Variants in AGL observed in about 807,000 individuals in gnomAD.
AGL encodes glycogen debranching enzyme.
In AGL, 128 loss-of-function variants were observed where a neutral mutation model predicts 199.3. The ratio of observed to expected loss-of-function variants is 0.64; its 90% confidence interval spans 0.56 to 0.74. AGL has a LOEUF of 0.74. AGL is among the 30% of genes least tolerant of loss of function. AGL has a pLI of 0.00. For missense variants in AGL, 1,809 were observed against 1,820.8 expected (o/e 0.99, Z 0.12); for synonymous variants, 584 against 594.7 (o/e 0.98, Z 0.26).
At chr1:99,891,499 T>TA (rs1235736426) in intron 22 of AGL, 107 bp from the exon 23 acceptor site, 14 of 1,523,276 alleles carry the variant, frequency 9.2e-6, no homozygotes, top group Non-Finnish European at 1.3e-5. Context: ...TAAATGGAAA[T>TA]CGGGTTTATA....
rs765493514 is a variant in AGL, at chr1:99,861,551, T to G, written c.131T>G (p.Val44Gly). Residue 44 changes from valine to glycine, a missense_variant, in exon 3 of 34, where the codon GTT becomes GGT. By Grantham distance (109) the Val-to-Gly change is moderately radical (BLOSUM62 -3). Coordinates refer to ENST00000361915, the MANE Select transcript of AGL (RefSeq NM_000642.3). ...RLGPTLQGKA[V>G]TVYTNYPFPG... is the part of the protein sequence containing the mutation. ...GGCCCAACTTTACAGGGAAAAGCAG[T>G]TACCGTGTATACAAATTACCCATTT... 3 of 1,613,892 alleles carry G rather than the reference T, an allele frequency of 1.9e-6. No individual in the cohort carries two copies. Among genetic ancestry groups the G allele is most frequent in the Admixed American group, 3.3e-5 (2 of 60,004 alleles).
chr1:99,889,567 G>A (rs1652722023), intron 21 of AGL, among the ~76,000 whole-genome samples: 1 of 151,938 alleles, frequency 6.6e-6, no homozygotes, highest in Non-Finnish European at 1.5e-5. Context: ...GTGACAGAGT[G>A]AGACTGTCTC....
At chr1:99,887,694 A>C (rs983668481) in intron 20 of AGL, among the ~76,000 whole-genome samples, 1 of 152,222 alleles carries the variant, frequency 6.6e-6, no homozygotes, top group Non-Finnish European at 1.5e-5. Flanking sequence ...GATAAAGGAT[A>C]TAGAAGCCAA....
chr1:99,882,999 A>G (rs1652173285), intron 17 of AGL, among the ~76,000 whole-genome samples: 2 of 152,176 alleles, frequency 1.3e-5, no homozygotes, highest in Admixed American at 1.3e-4. Context: ...ACTGTGTACA[A>G]TATTATCTCA....
intron 5 of AGL, among the ~76,000 whole-genome samples, 194 bp from the exon 6 acceptor site, chr1:99,870,206 T>C (rs1049415792): frequency 1.3e-5 from 2 of 151,886 alleles, no homozygotes; most frequent in Non-Finnish European, 2.9e-5. Flanking sequence ...AAAAAAAAAG[T>C]ATGCTGAAGC....
At chr1:99,920,363 T>C (rs905753081) in intron 33 of AGL, among the ~76,000 whole-genome samples, 14 of 152,168 alleles carry the variant, frequency 9.2e-5, no homozygotes, top group African/African-American at 3.4e-4. Context: ...GCAGCAAAAC[T>C]CCAATCTTCA....
intron 33 of AGL, among the ~76,000 whole-genome samples, chr1:99,918,083 C>A (rs1655263168): frequency 6.6e-6 from 1 of 152,184 alleles, no homozygotes; most frequent in South Asian, 2.1e-4. Context: ...TTTGCCTCCT[C>A]ATGATGAATT....
rs556469934 is a variant in AGL, at chr1:99,870,269, C to T, written c.665-131C>T. 1.1e-3 allele frequency: 1,016 copies of T among 918,318 alleles called. 5 individuals carry two copies. Among genetic ancestry groups the T allele is most frequent in the African/African-American group, 6.7e-3 (398 of 59,496 alleles). The allele number at this position is 918,318 out of a possible 1,614,324, so 56.9% of individuals were successfully genotyped here. ...AAAACTTTTCCTGTAACAGTATCAT[C>T]GTAAAATTGATGTCCAATATAGAAA... On this transcript the variant is annotated intron_variant, in intron 5 of 33. Transcript: ENST00000361915.
At chr1:99,876,668 T>C (rs1490132786) in intron 11 of AGL, 71 bp downstream of exon 11, 14 of 1,544,096 alleles carry the variant, frequency 9.1e-6, no homozygotes, top group Non-Finnish European at 1.3e-5. Context: ...AAAATCTGCT[T>C]TACTGATTTT....
At chr1:99,906,696 G>A (rs561525892) in intron 27 of AGL, among the ~76,000 whole-genome samples, 14 of 152,264 alleles carry the variant, frequency 9.2e-5, no homozygotes, top group Non-Finnish European at 1.9e-4. Context: ...CCATCTCATA[G>A]CATGTGACAG....
Position 99,923,694 on chromosome 1 carries a change from T to G in AGL, c.*2043T>G, listed in dbSNP as rs1479524882. ...GAATTAGATTTTTAACAGGTGTCAT[T>G]TGACTAAACGTTTCGGTAGAATGCT... On this transcript the variant is annotated 3_prime_UTR_variant, in exon 34 of 34. Transcript: ENST00000361915. The G allele has an allele frequency of 6.6e-6, 1 of 152,192 alleles. No individual in the cohort carries two copies. Among genetic ancestry groups the G allele is most frequent in the East Asian group, 1.9e-4 (1 of 5,190 alleles). The allele number at this position is 152,192 out of a possible 1,614,324, so 9.4% of individuals were successfully genotyped here.
chr1:99,906,967 C>T (rs1324981037), intron 27 of AGL, among the ~76,000 whole-genome samples: 1 of 152,154 alleles, frequency 6.6e-6, no homozygotes, highest in African/African-American at 2.4e-5. Flanking sequence ...ATAATGGCTG[C>T]AACATTTACA....
rs747384658 is a variant in AGL, at chr1:99,884,115, C to G, written c.2309-5C>G. ...TTTTGTTAAAATGTTTTTATGTATT[C>G]CTAGGCAAAATTGAAGAAGTAGTTC... On this transcript the variant is annotated splice_polypyrimidine_tract_variant and splice_region_variant and intron_variant, in intron 17 of 33. Transcript: ENST00000361915. 6.2e-7 allele frequency: 1 copy of G among 1,609,370 alleles called. No homozygotes were observed. The highest frequency in any genetic ancestry group is 1.1e-5 in the South Asian group (1 of 90,772).
At chr1:99,863,150 G>A (rs1463248374) in intron 4 of AGL, among the ~76,000 whole-genome samples, 2 of 151,934 alleles carry the variant, frequency 1.3e-5, no homozygotes, top group Middle Eastern at 3.2e-3. Context: ...ATGTTGGCCA[G>A]GCTGGTCTCA....
chr1:99,904,983 G>C (rs1046698994), intron 27 of AGL, among the ~76,000 whole-genome samples: 1 of 152,042 alleles, frequency 6.6e-6, no homozygotes, highest in South Asian at 2.1e-4. Context: ...ATTTTTTCTG[G>C]GATAAATGTC....
intron 10 of AGL, among the ~76,000 whole-genome samples, chr1:99,876,066 G>T (rs1168787546): frequency 6.6e-6 from 1 of 152,054 alleles, no homozygotes; most frequent in African/African-American, 2.4e-5. Context: ...GTAGAGACGG[G>T]GTTTCCCCAT....
chr1:99,888,191 T>C, intron 21 of AGL, 83 bp downstream of exon 21: 3 of 1,560,818 alleles, frequency 1.9e-6, no homozygotes, highest in Non-Finnish European at 2.6e-6. Context: ...AGATATAGGC[T>C]CAGAGTATGC....
At chr1:99,913,011 T>C (rs1266466133) in intron 29 of AGL, among the ~76,000 whole-genome samples, 1 of 152,028 alleles carries the variant, frequency 6.6e-6, no homozygotes, top group Non-Finnish European at 1.5e-5. Context: ...TCGCTTGAGC[T>C]CAGGAGTTTG....
Position 99,892,536 on chromosome 1 carries a change from T to C in AGL, c.3188T>C (p.Leu1063Pro). 1.9e-6 allele frequency: 3 copies of C among 1,613,654 alleles called. No homozygotes were observed. The highest frequency in any genetic ancestry group is 2.2e-5 in the East Asian group (1 of 44,796). ...FPSLPILSPALMDVPYRLNEI... is the reference protein window; with the variant it reads ...FPSLPILSPAPMDVPYRLNEI... ...TCCCTGCCAATTCTTTCACCTGCCCTAATGGATGTACCTTATAGGTTAAAT... is the reference window on the plus strand; with the variant it reads ...TCCCTGCCAATTCTTTCACCTGCCCCAATGGATGTACCTTATAGGTTAAAT... Residue 1063 changes from leucine (L) to proline (P), a missense_variant, in exon 24 of 34, where the codon CTA becomes CCA. Physicochemically the swap from Leu to Pro is moderately conservative, Grantham distance 98 (BLOSUM62 -3). Coordinates refer to ENST00000361915, the MANE Select transcript of AGL (RefSeq NM_000642.3).
Sources: allele counts gnomAD v4.1 joint callset (sites outside exome capture counted in the v4.1 genomes callset), GRCh38; gene constraint gnomAD v4.1.1; transcripts MANE v1.5; gene names NCBI Gene and HGNC (gene_info 2026-07-23, HGNC 2026-07-21).